The following ZC3H13 variants were observed in gnomAD, a reference collection of about 807,000 sequenced individuals.
The protein encoded by ZC3H13 is zinc finger CCCH domain-containing protein 13.
A neutral mutation model predicts 204.1 loss-of-function variants in ZC3H13; 64 were observed. That is an observed-to-expected ratio of 0.31 (90% confidence interval 0.26 to 0.39). ZC3H13 has a LOEUF of 0.39. ZC3H13 is among the 10% of genes least tolerant of loss of function. ZC3H13 has a pLI of 1.00. For missense variants in ZC3H13, 1,833 were observed against 2,082.7 expected (o/e 0.88, Z 2.33); for synonymous variants, 667 against 693.7 (o/e 0.96, Z 0.60).
At chr13:46,011,655 G>T in intron 5 of ZC3H13, 101 bp from the exon 6 acceptor site, 2 of 870,434 alleles carry the variant, frequency 2.3e-6, no homozygotes, top group Non-Finnish European at 3.3e-6. Context: ...AATCTAAATA[G>T]CAGAGTCTTT....
chr13:45,960,483 G>C (rs1439724971), intron 17 of ZC3H13, among the ~76,000 whole-genome samples: 2 of 152,090 alleles, frequency 1.3e-5, no homozygotes, highest in Non-Finnish European at 2.9e-5. Context: ...TGCAAACTTT[G>C]TCCTAGATTT....
chr13:46,027,042 T>C (rs936523349), intron 4 of ZC3H13, among the ~76,000 whole-genome samples: 1 of 152,014 alleles, frequency 6.6e-6, no homozygotes, highest in Non-Finnish European at 1.5e-5. Context: ...AAATCCTAAA[T>C]GACAAAGTAA....
In ZC3H13 at chr13:46,018,587, A is replaced by G. The variant is rs147094473; in HGVS notation, c.448+1862T>C. On this transcript the variant is annotated intron_variant, in intron 5 of 18. Coordinates refer to ENST00000679008, the MANE Select transcript of ZC3H13 (RefSeq NM_001330564.2). The stretch of plus-strand genomic sequence containing the variant: ...GAAGTAAAAAAGTTTAGGCACAAAT[A>G]AAAACTTAGTTTGAAGGTGTGGTAG... Among the ~76,000 whole-genome samples, 20 of 152,220 alleles carry G rather than the reference A, an allele frequency of 1.3e-4. No individual in the cohort carries two copies. The East Asian group carries it at 3.1e-3, about 24-fold the overall frequency.
chr13:45,967,199 A>G (rs1952163226), intron 15 of ZC3H13, among the ~76,000 whole-genome samples: 1 of 152,196 alleles, frequency 6.6e-6, no homozygotes, highest in Non-Finnish European at 1.5e-5. Flanking sequence ...TTTAACATCT[A>G]AGAAAAGGAT....
In ZC3H13 at chr13:45,989,113, A is replaced by C; in HGVS notation, c.945-16T>G. ...GGAAGTAGACCTACAAGGGAAAACA[A>C]TAACAATAAAACATGTATTCAAGAG... On this transcript the variant is annotated splice_polypyrimidine_tract_variant and intron_variant, in intron 8 of 18. Transcript: ENST00000679008. 3 of 1,607,640 alleles carry C rather than the reference A, an allele frequency of 1.9e-6. No individual in the cohort carries two copies. The South Asian group carries it at 3.3e-5, about 18-fold the overall frequency.
intron 1 of ZC3H13, among the ~76,000 whole-genome samples, chr13:46,050,942 G>C (rs1412434508): frequency 2.0e-5 from 3 of 152,092 alleles, no homozygotes. Flanking sequence ...ATCAACAGCA[G>C]TTAATGCTTC....
intron 17 of ZC3H13, chr13:45,963,583 T>C: frequency 1.6e-6 from 2 of 1,233,914 alleles, no homozygotes; most frequent in East Asian, 4.5e-5. Context: ...ACACCACGCC[T>C]GGCCTGTTAA....
rs201979465 is a variant in ZC3H13 at position 45,980,025 on chromosome 13, C to G, written c.1721-21G>C. 90 of 1,571,814 alleles carry G rather than the reference C, an allele frequency of 5.7e-5. No homozygotes were observed. In the Middle Eastern group the frequency reaches 3.8e-3, roughly 66 times the overall value. On this transcript the variant is annotated intron_variant, in intron 10 of 18. Transcript: ENST00000679008. ...ACTTCCTAAACAAAGGATAGACACA[C>G]AAATGTTTACCACATACACTTTATT... is the stretch of plus-strand genomic sequence containing the variant.
intron 7 of ZC3H13, among the ~76,000 whole-genome samples, chr13:46,007,532 C>T (rs1052133289): frequency 3.3e-5 from 5 of 152,096 alleles, no homozygotes; most frequent in Non-Finnish European, 5.9e-5. Flanking sequence ...GTTAAACCAC[C>T]GACATTTTGG....
intron 1 of ZC3H13, among the ~76,000 whole-genome samples, chr13:46,050,401 C>A (rs1174832185): frequency 1.3e-5 from 2 of 152,100 alleles, no homozygotes; most frequent in Non-Finnish European, 2.9e-5. Flanking sequence ...AATTAATTAT[C>A]TTTTCCAGGT....
In ZC3H13 at chr13:46,003,168, T is replaced by C. The variant is rs1441443074; in HGVS notation, c.915A>G (p.Glu305=). The C allele has an allele frequency of 2.5e-6, 4 of 1,611,886 alleles. No individual in the cohort carries two copies. The African/African-American group carries it at 4.0e-5, about 16-fold the overall frequency. Reference sequence around the variant, plus strand: ...GCTTGTCTCTCTTTTCTCTTTGTCGTTCAAAATCTCGTCCTCTGTCCTTTC... The same window carrying C: ...GCTTGTCTCTCTTTTCTCTTTGTCGCTCAAAATCTCGTCCTCTGTCCTTTC... The part of the protein sequence containing the change: ...RDGKDRGRDF[E]RQREKRDKPR... Residue 305 remains glutamate, a synonymous_variant, in exon 8 of 19, where the codon GAA becomes GAG. Coordinates refer to ENST00000679008, the MANE Select transcript of ZC3H13 (RefSeq NM_001330564.2).
intron 11 of ZC3H13, among the ~76,000 whole-genome samples, chr13:45,977,490 A>C (rs1953155377): frequency 6.6e-6 from 1 of 152,184 alleles, no homozygotes; most frequent in Non-Finnish European, 1.5e-5. Flanking sequence ...AAAATGTCTA[A>C]ATTATCTTCC....
rs1443847424 is a variant in ZC3H13, at chr13:45,979,931, A to C, written c.1794T>G (p.Thr598=). The change falls in exon 11 of 19, where the codon ACT becomes ACG. Residue 598 remains threonine, a synonymous_variant. Coordinates refer to ENST00000679008, the MANE Select transcript of ZC3H13 (RefSeq NM_001330564.2). ...TATCTCTTTCAGGATAGCTACTTCG[A>C]GTTTCCCAGCTGTCATGATAGTTGC... ...SNSNYHDSWE[T]RSSYPERDRY... 5 of 1,612,514 alleles carry C rather than the reference A, an allele frequency of 3.1e-6. No individual in the cohort carries two copies. Among genetic ancestry groups the C allele is most frequent in the African/African-American group, 1.3e-5 (1 of 74,822 alleles).
intron 4 of ZC3H13, among the ~76,000 whole-genome samples, chr13:46,036,841 C>T (rs974392185): frequency 1.3e-5 from 2 of 152,098 alleles, no homozygotes; most frequent in Non-Finnish European, 2.9e-5. Flanking sequence ...GGCTCAGCCT[C>T]CCGAGTAGCT....
At chr13:46,039,998 AG>A (rs2043464724) in intron 4 of ZC3H13, among the ~76,000 whole-genome samples, 1 of 152,158 alleles carries the variant, frequency 6.6e-6, no homozygotes, top group Non-Finnish European at 1.5e-5. Context: ...CTGAATCAAT[AG>A]GTTATTTCAA....
chr13:45,957,396 A>G, intron 18 of ZC3H13, 99 bp from the exon 19 acceptor site: 1 of 1,104,450 alleles, frequency 9.1e-7, no homozygotes, highest in Non-Finnish European at 1.2e-6. Context: ...AAGTTATAAG[A>G]GTATTTCATT....
intron 4 of ZC3H13, among the ~76,000 whole-genome samples, chr13:46,037,106 C>T (rs1363766559): frequency 6.6e-6 from 1 of 152,078 alleles, no homozygotes; most frequent in Non-Finnish European, 1.5e-5. Flanking sequence ...TGAAAAAGTT[C>T]TGGAAATGAA....
Position 46,003,202 on chromosome 13 carries a change from G to GT in ZC3H13, c.880dup (p.Thr294AsnfsTer12). 6.2e-7 allele frequency: 1 copy of GT among 1,612,688 alleles called. No individual in the cohort carries two copies. Among genetic ancestry groups the GT allele is most frequent in the South Asian group, 1.1e-5 (1 of 90,732 alleles). ...TCGTCCTCTGTCCTTTCCATCTCTT[G>GT]TTTTTTCTTCTATCCTGTCTTTTAC... On this transcript the variant is annotated frameshift_variant, in exon 8 of 19. Coordinates refer to ENST00000679008, the MANE Select transcript of ZC3H13 (RefSeq NM_001330564.2). LOFTEE classifies it high-confidence loss of function.
Position 46,020,617 on chromosome 13 carries a change from A to T in ZC3H13, c.340-60T>A. 2.7e-6 allele frequency: 3 copies of T among 1,106,154 alleles called. No homozygotes were observed. In the African/African-American group the frequency reaches 4.9e-5, roughly 18 times the overall value. The allele number at this position is 1,106,154 out of a possible 1,614,324, so 68.5% of individuals were successfully genotyped here. On this transcript the variant is annotated intron_variant, in intron 4 of 18. Transcript: ENST00000679008. ...ATTTTTAAAAATTATGAGGTAGTTT[A>T]TTGTAATAAGAGAACATTTTAATTT...
Sources: allele counts gnomAD v4.1 joint callset (sites outside exome capture counted in the v4.1 genomes callset), GRCh38; gene constraint gnomAD v4.1.1; transcripts MANE v1.5; gene names NCBI Gene and HGNC (gene_info 2026-07-23, HGNC 2026-07-21).